PIEZO1: variants seen among roughly 807,000 people sequenced by gnomAD.
The protein encoded by PIEZO1 is piezo-type mechanosensitive ion channel component 1.
Under a neutral mutation model 297.2 loss-of-function variants are expected in PIEZO1, and 296 were observed. That is an observed-to-expected ratio of 1.00 (90% CI 0.91 to 1.10). The LOEUF is 1.10. PIEZO1 is among the 50% of genes least tolerant of loss of function. PIEZO1 has a pLI of 0.00. For missense variants in PIEZO1, 5,018 were observed against 3,455.5 expected (o/e 1.45, Z -11.34); for synonymous variants, 2,427 against 1,507.5 (o/e 1.61, Z -14.13).
At chr16:88,775,345 G>C (rs1270326942) in intron 1 of PIEZO1, among the ~76,000 whole-genome samples, 1 of 152,234 alleles carries the variant, frequency 6.6e-6, no homozygotes, top group Non-Finnish European at 1.5e-5. Flanking sequence ...CACCCACACA[G>C]GGAGAGGACG....
Position 88,749,195 on chromosome 16 carries a change from G to A in PIEZO1, c.160+189C>T, listed in dbSNP as rs55919841. Among the ~76,000 whole-genome samples the A allele has an allele frequency of 3.2e-4, 48 of 151,768 alleles. 1 individual carries two copies. The highest frequency in any genetic ancestry group is 6.8e-3 in the Middle Eastern group (2 of 292). ...GCGAAGCCTGCAGTGAGCAGAGATC[G>A]CGCCACTGCACTCCAGCCTGGGCGA... On this transcript the variant is annotated intron_variant, in intron 2 of 50. Coordinates refer to ENST00000301015, the MANE Select transcript of PIEZO1 (RefSeq NM_001142864.4).
intron 1 of PIEZO1, among the ~76,000 whole-genome samples, chr16:88,762,986 C>T (rs943401899): frequency 6.6e-6 from 1 of 152,214 alleles, no homozygotes. Flanking sequence ...TCCCTAAGAA[C>T]CACAGCTTTC....
chr16:88,733,459 G>A lies in PIEZO1; in HGVS notation c.2488-5C>T. The stretch of plus-strand genomic sequence containing the variant: ...CAGCAGGTTCATCACCGACACCTGA[G>A]GGCAGTGGGCACGTGGGGCTGGGCT... On this transcript the variant is annotated splice_polypyrimidine_tract_variant and splice_region_variant and intron_variant, in intron 18 of 50. Coordinates refer to ENST00000301015, the MANE Select transcript of PIEZO1 (RefSeq NM_001142864.4). The A allele has an allele frequency of 1.3e-6, 2 of 1,545,270 alleles. No individual in the cohort carries two copies. The highest frequency in any genetic ancestry group is 1.7e-6 in the Non-Finnish European group (2 of 1,142,980).
At position 88,722,215 on chromosome 16, in the gene PIEZO1, C is replaced by T. The variant is rs569520386; in HGVS notation, c.4955+3G>A. 5.8e-4 allele frequency: 889 copies of T among 1,545,538 alleles called. 2 individuals are homozygous for T. In the African/African-American group the frequency reaches 0.01, roughly 18 times the overall value. On this transcript the variant is annotated splice_donor_region_variant and intron_variant, in intron 36 of 50. Coordinates refer to ENST00000301015, the MANE Select transcript of PIEZO1 (RefSeq NM_001142864.4). ...GCTGGTGTTGTGCGCGTCCCGCCCC[C>T]ACCTGTCCAGGAGCAGCTCGCTGGC...
chr16:88,743,918 G>A (rs906284749), intron 2 of PIEZO1: 9 of 300,034 alleles, frequency 3.0e-5, no homozygotes, highest in South Asian at 1.1e-4. Context: ...ATGGAAAACC[G>A]TCCAGGAAGG....
chr16:88,771,392 A>C (rs999486741), intron 1 of PIEZO1, among the ~76,000 whole-genome samples: 7 of 152,164 alleles, frequency 4.6e-5, no homozygotes, highest in Non-Finnish European at 1.0e-4. Context: ...GGCGACAACA[A>C]GAAACCAGGC....
In PIEZO1 at chr16:88,771,424, C is replaced by T. The variant is rs150612220; in HGVS notation, c.64+13477G>A. ...AGGCCAGGCGGGGCTCCCATCCCAC[C>T]GCCTCCCTTGCCCTGCAGGCCCCAA... On this transcript the variant is annotated intron_variant, in intron 1 of 50. Transcript: ENST00000301015. Among the ~76,000 whole-genome samples, 182 of 152,336 alleles carry T rather than the reference C, an allele frequency of 1.2e-3. 1 individual carries two copies. The highest frequency in any genetic ancestry group is 4.2e-3 in the African/African-American group (175 of 41,586).
At chr16:88,718,167 G>A (rs977488476) in intron 44 of PIEZO1, 2 of 177,386 alleles carry the variant, frequency 1.1e-5, no homozygotes, top group African/African-American at 4.8e-5. Flanking sequence ...CTCAGCGTCG[G>A]TCAACAGGGA....
chr16:88,734,178 G>T, intron 16 of PIEZO1, 124 bp from the exon 17 acceptor site: 1 of 1,291,214 alleles, frequency 7.7e-7, no homozygotes, highest in Non-Finnish European at 1.0e-6. Flanking sequence ...CAGCTGTGTC[G>T]CAACTCATGC....
At chr16:88,738,525 C>T (rs111388591) in intron 6 of PIEZO1, 43 bp downstream of exon 6, 1 of 1,530,794 alleles carries the variant, frequency 6.5e-7, no homozygotes, top group Non-Finnish European at 8.7e-7. Flanking sequence ...CTCCCAAGAC[C>T]CCTCCCAGTG....
Position 88,723,007 on chromosome 16 carries a change from G to A in PIEZO1, c.4498C>T (p.Arg1500Trp), listed in dbSNP as rs778567577. Reference protein sequence around the residue: ...AEGPEEAAAGRSHVVQRVLST... With the variant: ...AEGPEEAAAGWSHVVQRVLST... ...AGCACCCTCTGCACCACATGGCTCCGGCCTGCGGGAGGGCGGGAGGGGGCG... is the reference window on the plus strand; with the variant it reads ...AGCACCCTCTGCACCACATGGCTCCAGCCTGCGGGAGGGCGGGAGGGGGCG... The change falls in exon 34 of 51, where the codon CGG becomes TGG. Residue 1500 changes from arginine (R) to tryptophan (W), a missense_variant and splice_region_variant. Transcript: ENST00000301015. The A allele has an allele frequency of 2.0e-5, 31 of 1,546,046 alleles. No individual in the cohort carries two copies. The highest frequency in any genetic ancestry group is 3.4e-4 in the Middle Eastern group (2 of 5,874).
intron 1 of PIEZO1, 113 bp downstream of exon 1, chr16:88,784,788 C>T (rs1908102297): frequency 2.7e-6 from 2 of 743,608 alleles, no homozygotes; most frequent in Admixed American, 4.6e-5. Flanking sequence ...TGGGAATTTC[C>T]GCGCCCGCTC....
At chr16:88,761,279 G>A (rs1341589181) in intron 1 of PIEZO1, among the ~76,000 whole-genome samples, 2 of 152,238 alleles carry the variant, frequency 1.3e-5, no homozygotes, top group Non-Finnish European at 2.9e-5. Flanking sequence ...CCATTTCACA[G>A]ATGAGCACAC....
In PIEZO1 at chr16:88,726,316, G is replaced by C; in HGVS notation, c.3936C>G (p.Ala1312=). Reference sequence around the variant, plus strand: ...CTAGCAGGGCGGTGGCCTGGAGGTCGGCCCTGACGTGCAGGTAGTAATGGC... The same window carrying C: ...CTAGCAGGGCGGTGGCCTGGAGGTCCGCCCTGACGTGCAGGTAGTAATGGC... ...FLSHYYLHVR[A]DLQATALLAS... is the part of the protein sequence containing the mutation. The change falls in exon 27 of 51, where the codon GCC becomes GCG. Residue 1312 remains alanine, a synonymous_variant. Coordinates refer to ENST00000301015, the MANE Select transcript of PIEZO1 (RefSeq NM_001142864.4). 2 of 1,550,100 alleles carry C rather than the reference G, an allele frequency of 1.3e-6. No individual in the cohort carries two copies. Among genetic ancestry groups the C allele is most frequent in the Non-Finnish European group, 1.7e-6 (2 of 1,146,866 alleles).
intron 1 of PIEZO1, among the ~76,000 whole-genome samples, chr16:88,777,666 A>G (rs147455491): frequency 6.6e-6 from 1 of 152,242 alleles, no homozygotes; most frequent in Non-Finnish European, 1.5e-5. Context: ...CTTTAACCAT[A>G]AACAGAAATC....
At chr16:88,757,710 G>A (rs1402885848) in intron 1 of PIEZO1, among the ~76,000 whole-genome samples, 2 of 152,116 alleles carry the variant, frequency 1.3e-5, no homozygotes, top group Non-Finnish European at 2.9e-5. Flanking sequence ...GCTGCGGGCC[G>A]GAGCTGGGCC....
At chr16:88,725,975 C>G (rs934486724) in intron 27 of PIEZO1, 1 of 567,562 alleles carries the variant, frequency 1.8e-6, no homozygotes, top group Non-Finnish European at 3.1e-6. Flanking sequence ...CTGGGGCAGT[C>G]GTGACACCAC....
chr16:88,720,707 C>T lies in PIEZO1; in HGVS notation c.5710G>A (p.Glu1904Lys). The T allele has an allele frequency of 6.5e-7, 1 of 1,534,236 alleles. No individual in the cohort carries two copies. The highest frequency in any genetic ancestry group is 8.8e-7 in the Non-Finnish European group (1 of 1,140,230). The stretch of plus-strand genomic sequence containing the variant: ...CTCTTCTCTCTCCCCGTGGGGGCCT[C>T]TTTCTCTTCCTCCCCCTCTTCTTCC... ...REEEEGEEEK[E>K]APTGREKRPS... The change falls in exon 40 of 51, where the codon GAG becomes AAG. Residue 1904 changes from glutamate to lysine, a missense_variant. Physicochemically the swap from Glu to Lys is moderately conservative, Grantham distance 56. Transcript: ENST00000301015.
chr16:88,741,318 G>C (rs1462250870), intron 5 of PIEZO1, 160 bp downstream of exon 5: 1 of 650,426 alleles, frequency 1.5e-6, no homozygotes, highest in African/African-American at 1.8e-5. Flanking sequence ...CTGCAGGCTG[G>C]GCCCCGGGGT....
Sources: allele counts gnomAD v4.1 joint callset (sites outside exome capture counted in the v4.1 genomes callset), GRCh38; gene constraint gnomAD v4.1.1; transcripts MANE v1.5; gene names NCBI Gene and HGNC (gene_info 2026-07-23, HGNC 2026-07-21).